PLXNA1: variants seen among roughly 807,000 people sequenced by gnomAD.
PLXNA1 encodes plexin-A1.
Under a neutral mutation model 191.7 loss-of-function variants are expected in PLXNA1, and 77 were observed. The observed-to-expected ratio is 0.40, with a 90% CI of 0.33 to 0.49. PLXNA1 has a LOEUF of 0.49. Ranked by LOEUF, PLXNA1 falls within the 20% of genes least tolerant of loss-of-function variation. The probability of loss-of-function intolerance (pLI) is 0.63; values close to 1 mark genes in which losing one functional copy is unlikely to be tolerated. For synonymous variants in PLXNA1, 1,137 were observed against 1,156.4 expected, an observed-to-expected ratio of 0.98 and a Z score of 0.34; for missense variants, 2,110 against 2,660.2, an observed-to-expected ratio of 0.79 and a Z score of 4.55.
At chr3:127,002,922 C>T (rs548721575) in intron 3 of PLXNA1, among the ~76,000 whole-genome samples, 11 of 152,244 alleles carry the variant, frequency 7.2e-5, no homozygotes, top group South Asian at 6.2e-4. Flanking sequence ...CCTCTGCCCC[C>T]GACAACCAAC....
chr3:127,032,274 C>A (rs954635968), intron 29 of PLXNA1, 113 bp from the exon 30 acceptor site: 4 of 1,085,422 alleles, frequency 3.7e-6, no homozygotes, highest in Non-Finnish European at 5.4e-6. Flanking sequence ...CTCGTTTCCC[C>A]GTCTGCATGG....
chr3:127,002,581 G>A (rs2079046290), intron 3 of PLXNA1, among the ~76,000 whole-genome samples: 1 of 152,222 alleles, frequency 6.6e-6, no homozygotes, highest in Non-Finnish European at 1.5e-5. Context: ...TCAGGCTGGG[G>A]GAAGCAGGCC....
Position 127,032,568 on chromosome 3 carries a change from G to T in PLXNA1, c.5413G>T (p.Asp1805Tyr). 6.2e-7 allele frequency: 1 copy of T among 1,613,928 alleles called. No individual in the cohort carries two copies. The highest frequency in any genetic ancestry group is 8.5e-7 in the Non-Finnish European group (1 of 1,179,988). The change falls in exon 30 of 32, where the codon GAC becomes TAC. Residue 1805 changes from aspartate to tyrosine, a missense_variant. By Grantham distance (160) the Asp-to-Tyr change is radical. Around this residue, in one of 4 missense-constraint regions of PLXNA1, gnomAD observed 559 missense variants for 911.5 expected, o/e 0.61. Transcript: ENST00000393409. Reference protein sequence around the residue: ...SPSNKLLYAKDIPNYKSWVER... With the variant: ...SPSNKLLYAKYIPNYKSWVER... ...CTCCAACAAGCTGCTCTACGCCAAG[G>T]ACATCCCCAACTACAAGAGCTGGGT...
In PLXNA1 at chr3:127,034,912, G is replaced by A. The variant is rs2079232574; in HGVS notation, c.*895G>A. 1 of 152,798 alleles carries A rather than the reference G, an allele frequency of 6.5e-6. No homozygotes were observed. Among genetic ancestry groups the A allele is most frequent in the South Asian group, 2.1e-4 (1 of 4,836 alleles). 9.5% of individuals were successfully genotyped at this position (152,798 alleles called of 1,614,324 possible). On this transcript the variant is annotated 3_prime_UTR_variant, in exon 32 of 32. Coordinates refer to ENST00000393409, the MANE Select transcript of PLXNA1 (RefSeq NM_032242.4). ...CTGAGCTCCCCACCCTGGAGCCCCT[G>A]AGGGCGGCCCCTGAGCACTCCTCTC...
intron 25 of PLXNA1, 111 bp downstream of exon 25, chr3:127,028,451 C>A: frequency 7.8e-7 from 1 of 1,285,098 alleles, no homozygotes; most frequent in Non-Finnish European, 1.0e-6. Context: ...CCACACCAGG[C>A]TGGTCTGGAG....
At chr3:126,999,746 T>G (rs973599923) in intron 3 of PLXNA1, among the ~76,000 whole-genome samples, 3 of 152,014 alleles carry the variant, frequency 2.0e-5, no homozygotes, top group Admixed American at 6.5e-5. Context: ...GAGCCCTGCC[T>G]GCTGTGTCCT....
At chr3:126,986,191 T>C (rs750536705) in intron 1 of PLXNA1, among the ~76,000 whole-genome samples, 25 of 152,310 alleles carry the variant, frequency 1.6e-4, no homozygotes, top group Admixed American at 6.5e-4. Context: ...GAGTGATTCA[T>C]GTTTTCTTTG....
At chr3:126,983,822 G>A (rs1012470227) in intron 1 of PLXNA1, among the ~76,000 whole-genome samples, 16 of 152,020 alleles carry the variant, frequency 1.1e-4, no homozygotes, top group Admixed American at 2.6e-4. Context: ...AGGGATCGGA[G>A]CCTCCCAGCA....
At chr3:127,022,720 A>T (rs373673389) in intron 22 of PLXNA1, 32 bp from the exon 23 acceptor site, 2 of 1,601,546 alleles carry the variant, frequency 1.2e-6, no homozygotes, top group South Asian at 2.2e-5. Flanking sequence ...AGCTGGAATG[A>T]CACCACTCTG....
chr3:127,007,163 G>A (rs1263629545), intron 8 of PLXNA1, among the ~76,000 whole-genome samples: 2 of 152,198 alleles, frequency 1.3e-5, no homozygotes, highest in African/African-American at 2.4e-5. Context: ...TGGCGGGTCA[G>A]GAGATCCTGG....
In PLXNA1 at chr3:127,022,267, G is replaced by T. The variant is rs755296043; in HGVS notation, c.4221G>T (p.Val1407=). 1.9e-6 allele frequency: 3 copies of T among 1,613,530 alleles called. No homozygotes were observed. The highest frequency in any genetic ancestry group is 1.7e-6 in the Non-Finnish European group (2 of 1,179,942). Residue 1407 remains valine (V), a synonymous_variant, in exon 22 of 32, where the codon GTG becomes GTT. Transcript: ENST00000393409. ...GCGAGATGGAATACGCCACAGGCGTGCTCAAGCAGCTGCTTTCCGACCTCA... is the reference window on the plus strand; with the variant it reads ...GCGAGATGGAATACGCCACAGGCGTTCTCAAGCAGCTGCTTTCCGACCTCA... The part of the protein sequence containing the change: ...LQGEMEYATG[V]LKQLLSDLIE...
intron 19 of PLXNA1, 127 bp downstream of exon 19, chr3:127,018,019 C>A (rs2079133507): frequency 7.7e-7 from 1 of 1,296,614 alleles, no homozygotes; most frequent in Admixed American, 2.2e-5. Context: ...GCGCCCGGCT[C>A]CAGTGCAGGC....
chr3:127,030,635 C>A (rs1559967241), intron 29 of PLXNA1, among the ~76,000 whole-genome samples: 1 of 152,242 alleles, frequency 6.6e-6, no homozygotes, highest in Non-Finnish European at 1.5e-5. Flanking sequence ...CTGAGCCCCT[C>A]CCACTGCTGC....
Position 127,016,547 on chromosome 3 carries a change from A to T in PLXNA1, c.3045A>T (p.Thr1015=). ...WRNSREIRCL[T]PPGQSPGSAP... ...ACTCCCGTGAGATCCGGTGCCTGAC[A>T]CCCCCCGGGCAGAGCCCTGGCAGCG... is the stretch of plus-strand genomic sequence containing the variant. The change falls in exon 16 of 32, where the codon ACA becomes ACT. Residue 1015 remains threonine (T), a synonymous_variant. Coordinates refer to ENST00000393409, the MANE Select transcript of PLXNA1 (RefSeq NM_032242.4). The T allele has an allele frequency of 1.2e-6, 2 of 1,613,298 alleles. No homozygotes were observed. Among genetic ancestry groups the T allele is most frequent in the Non-Finnish European group, 1.7e-6 (2 of 1,179,796 alleles).
rs938490157 is a variant in PLXNA1, at chr3:127,013,868, G to A, written c.2314-152G>A. 7.2e-5 allele frequency: 52 copies of A among 722,974 alleles called. 2 individuals carry two copies. The highest frequency in any genetic ancestry group is 5.5e-4 in the South Asian group (35 of 63,200). The allele number at this position is 722,974 out of a possible 1,614,324, so 44.8% of individuals were successfully genotyped here. On this transcript the variant is annotated intron_variant, in intron 10 of 31. Coordinates refer to ENST00000393409, the MANE Select transcript of PLXNA1 (RefSeq NM_032242.4). The stretch of plus-strand genomic sequence containing the variant: ...AGAGAGGGGGCTCTGGAGCCAGGAA[G>A]GAAGTCCTGTGTAGGATGAGGGTGG...
chr3:127,005,118 A>G lies in PLXNA1; in HGVS notation c.1772A>G (p.Asp591Gly), dbSNP rs754766599. ...GTGCTGCAGGCCTGGAACGTGCCTG[A>G]CCTCTCAGCTGGCGTCAACTGCTCC... ...PLVLQAWNVP[D>G]LSAGVNCSFE... Residue 591 changes from aspartate to glycine, a missense_variant, in exon 7 of 32, where the codon GAC becomes GGC. Coordinates refer to ENST00000393409, the MANE Select transcript of PLXNA1 (RefSeq NM_032242.4). 1 of 1,612,594 alleles carries G rather than the reference A, an allele frequency of 6.2e-7. No homozygotes were observed. Among genetic ancestry groups the G allele is most frequent in the Admixed American group, 1.7e-5 (1 of 60,000 alleles).
chr3:127,014,913 C>A, intron 14 of PLXNA1, 82 bp downstream of exon 14: 1 of 1,538,878 alleles, frequency 6.5e-7, no homozygotes, highest in South Asian at 1.2e-5. Context: ...CTCTTCAGGG[C>A]CCCTTGTCTG....
intron 1 of PLXNA1, among the ~76,000 whole-genome samples, chr3:126,984,206 G>A (rs1352537594): frequency 2.0e-5 from 3 of 152,268 alleles, no homozygotes; most frequent in African/African-American, 4.8e-5. Context: ...TGGAAAGGAG[G>A]GGAGGGGCTC....
chr3:127,004,604 A>G lies in PLXNA1; in HGVS notation c.1519-7A>G. ...ACTGGAGGGGCCTGACACCTCCCCC[A>G]CACCAGGTGACGCGGGTGCCTGTGG... On this transcript the variant is annotated splice_region_variant and splice_polypyrimidine_tract_variant and intron_variant, in intron 4 of 31. Transcript: ENST00000393409. 4 of 1,560,676 alleles carry G rather than the reference A, an allele frequency of 2.6e-6. No individual in the cohort carries two copies. Among genetic ancestry groups the G allele is most frequent in the Non-Finnish European group, 3.5e-6 (4 of 1,151,910 alleles).
Sources: allele counts gnomAD v4.1 joint callset (sites outside exome capture counted in the v4.1 genomes callset), GRCh38; gene constraint gnomAD v4.1.1; regional missense constraint gnomAD v4.1.1; transcripts MANE v1.5; gene names NCBI Gene and HGNC (gene_info 2026-07-23, HGNC 2026-07-21).